The following COL11A1 variants were observed in gnomAD, a reference collection of about 807,000 sequenced individuals.
COL11A1 encodes collagen alpha-1(XI) chain.
In COL11A1, 74 loss-of-function variants were observed where a neutral mutation model predicts 265.2. The ratio of observed to expected loss-of-function variants is 0.28; its 90% CI spans 0.23 to 0.34. The LOEUF (loss-of-function observed/expected upper bound fraction) is 0.34, where lower values mean the gene tolerates loss of function less well. Ranked by LOEUF, COL11A1 falls within the 10% of genes least tolerant of loss-of-function variation. The pLI is 1.00. For synonymous variants in COL11A1, 816 were observed against 727.6 expected, an observed-to-expected ratio of 1.12 and a Z score of -1.96; for missense variants, 2,165 against 2,263.6, an observed-to-expected ratio of 0.96 and a Z score of 0.88.
intron 4 of COL11A1, among the ~76,000 whole-genome samples, chr1:103,044,983 A>T (rs532569780): frequency 1.4e-4 from 22 of 152,240 alleles, no homozygotes; most frequent in Non-Finnish European, 2.9e-4. Context: ...AGACAGAGAC[A>T]CTTGAGGAAC....
chr1:102,932,168 A>T (rs886854083), intron 46 of COL11A1, among the ~76,000 whole-genome samples: 3 of 149,088 alleles, frequency 2.0e-5, no homozygotes, highest in African/African-American at 5.0e-5. Flanking sequence ...TCGTTAGTTG[A>T]TGCACTTTCT....
At position 102,883,241 on chromosome 1, in the gene COL11A1, A is replaced by G; in HGVS notation, c.4929T>C (p.Ser1643=). The G allele has an allele frequency of 4.3e-6, 7 of 1,613,680 alleles. No individual in the cohort carries two copies. Among genetic ancestry groups the G allele is most frequent in the Non-Finnish European group, 5.1e-6 (6 of 1,179,724 alleles). The part of the protein sequence containing the change: ...DSFKVYCNFT[S]GGETCIYPDK... ...CTGGATAAATGCAAGTCTCACCACC[A>G]GATGTGAAATTACAGTAAACTTTGA... Residue 1643 remains serine, a synonymous_variant, in exon 64 of 67, where the codon TCT becomes TCC. Coordinates refer to ENST00000370096, the MANE Select transcript of COL11A1 (RefSeq NM_001854.4).
At chr1:102,938,440 G>A (rs1167298346) in intron 44 of COL11A1, among the ~76,000 whole-genome samples, 1 of 152,084 alleles carries the variant, frequency 6.6e-6, no homozygotes, top group African/African-American at 2.4e-5. Context: ...TCTTTAGAGA[G>A]TATAAATTAG....
At position 102,931,091 on chromosome 1, in the gene COL11A1, C is replaced by T. The variant is rs572044607; in HGVS notation, c.3600+3358G>A. ...GAAGGGTTTTTTGTGTCTCTATTTCCTTCAGTTCTGCTCTGATTTTAGTTA... is the reference window on the plus strand; with the variant it reads ...GAAGGGTTTTTTGTGTCTCTATTTCTTTCAGTTCTGCTCTGATTTTAGTTA... On this transcript the variant is annotated intron_variant, in intron 46 of 66. Transcript: ENST00000370096. Among the ~76,000 whole-genome samples the T allele has an allele frequency of 6.6e-3, 927 of 140,276 alleles. 23 individuals carry two copies. Among genetic ancestry groups the T allele is most frequent in the Admixed American group, 0.051 (691 of 13,492 alleles). The allele number at this position is 140,276 out of a possible 152,430, so 92.0% of individuals were successfully genotyped here.
intron 4 of COL11A1, among the ~76,000 whole-genome samples, chr1:103,058,480 A>G (rs1049879976): frequency 6.6e-6 from 1 of 152,184 alleles, no homozygotes; most frequent in African/African-American, 2.4e-5. Context: ...TTGGATTCAC[A>G]GGGCACAAAA....
At position 102,879,672 on chromosome 1, in the gene COL11A1, C is replaced by T. The variant is rs576956216; in HGVS notation, c.5274+11G>A. On this transcript the variant is annotated intron_variant, in intron 66 of 66. Transcript: ENST00000370096. ...TCTCTGTGAAGGGAGACAAGCAGAA[C>T]TTATACTCACCGCACAACCATCATA... is the stretch of plus-strand genomic sequence containing the variant. 2.5e-6 allele frequency: 4 copies of T among 1,610,456 alleles called. No individual in the cohort carries two copies. Among genetic ancestry groups the T allele is most frequent in the African/African-American group, 1.3e-5 (1 of 74,954 alleles).
At chr1:103,105,163 T>A (rs1415947229) in intron 1 of COL11A1, among the ~76,000 whole-genome samples, 1 of 152,058 alleles carries the variant, frequency 6.6e-6, no homozygotes, top group Non-Finnish European at 1.5e-5. Flanking sequence ...CTTAAGATAA[T>A]CATAGTGTGG....
chr1:102,994,010 A>G (rs549076753), intron 28 of COL11A1, among the ~76,000 whole-genome samples: 5 of 152,182 alleles, frequency 3.3e-5, no homozygotes, highest in Admixed American at 1.3e-4. Context: ...TGTGAAATGC[A>G]TGGCCTTTTT....
chr1:102,930,050 G>C (rs1219482784), intron 46 of COL11A1, among the ~76,000 whole-genome samples: 2 of 152,128 alleles, frequency 1.3e-5, no homozygotes, highest in Non-Finnish European at 2.9e-5. Flanking sequence ...GGGACAATTT[G>C]ACTTCCTCTT....
intron 41 of COL11A1, among the ~76,000 whole-genome samples, chr1:102,954,839 C>T (rs1660216242): frequency 9.1e-6 from 1 of 109,556 alleles, no homozygotes; most frequent in Admixed American, 1.1e-4. Context: ...AGCGAAACTC[C>T]CTCTTGAAAT....
chr1:102,942,176 T>C (rs919612950), intron 42 of COL11A1, among the ~76,000 whole-genome samples: 3 of 152,206 alleles, frequency 2.0e-5, no homozygotes, highest in African/African-American at 7.2e-5. Flanking sequence ...CACAGTAAAC[T>C]TCACTATATT....
intron 22 of COL11A1, 112 bp downstream of exon 22, chr1:103,002,635 A>T (rs1392654866): frequency 2.6e-6 from 3 of 1,148,480 alleles, no homozygotes; most frequent in Admixed American, 3.6e-5. Flanking sequence ...AGCTGTATCT[A>T]ATATACTTAG....
intron 53 of COL11A1, 23 bp from the exon 54 acceptor site, chr1:102,912,235 T>G (rs377678496): frequency 1.3e-6 from 2 of 1,588,876 alleles, no homozygotes; most frequent in African/African-American, 1.3e-5. Flanking sequence ...AAAAAATACC[T>G]TTAACAAAAT....
rs34228277 is a variant in COL11A1, at chr1:102,914,823, T to TAAA, written c.3817-15_3817-13dup. 2.2e-3 allele frequency: 2,814 copies of TAAA among 1,266,736 alleles called. 3 individuals are homozygous for TAAA. The highest frequency in any genetic ancestry group is 2.7e-3 in the Non-Finnish European group (2,472 of 901,404). 78.5% of individuals were successfully genotyped at this position (1,266,736 alleles called of 1,614,324 possible). ...TCTCCTTTGGGACCCTAAACAATGT[T>TAAA]AAAAAAAAAAAAAGAAGAAGAAGGA... On this transcript the variant is annotated splice_polypyrimidine_tract_variant and intron_variant, in intron 50 of 66. Transcript: ENST00000370096.
intron 4 of COL11A1, among the ~76,000 whole-genome samples, chr1:103,049,352 A>C (rs1033187129): frequency 5.9e-5 from 9 of 152,128 alleles, no homozygotes; most frequent in African/African-American, 2.2e-4. Flanking sequence ...ACCATTATGT[A>C]ATGGCCTTCT....
chr1:103,091,819 C>G (rs1673346568), intron 1 of COL11A1, among the ~76,000 whole-genome samples: 1 of 151,952 alleles, frequency 6.6e-6, no homozygotes, highest in Non-Finnish European at 1.5e-5. Flanking sequence ...CATATTCAAA[C>G]AGTGAAGAGC....
chr1:102,979,310 T>C, intron 32 of COL11A1, 72 bp downstream of exon 32: 1 of 1,326,550 alleles, frequency 7.5e-7, no homozygotes, highest in Non-Finnish European at 1.1e-6. Flanking sequence ...TATCTGGGAA[T>C]ACAGGCACAC....
intron 11 of COL11A1, among the ~76,000 whole-genome samples, chr1:103,016,951 A>G (rs1666616127): frequency 1.3e-5 from 2 of 151,972 alleles, no homozygotes; most frequent in Admixed American, 6.6e-5. Flanking sequence ...CTCACCTGAT[A>G]TAGAGTTTAA....
chr1:102,966,477 T>G (rs182993921), intron 37 of COL11A1, among the ~76,000 whole-genome samples: 1 of 152,182 alleles, frequency 6.6e-6, no homozygotes, highest in Admixed American at 6.5e-5. Context: ...AGGTAAAGAG[T>G]CTGTAATTAT....
Sources: allele counts gnomAD v4.1 joint callset (sites outside exome capture counted in the v4.1 genomes callset), GRCh38; gene constraint gnomAD v4.1.1; transcripts MANE v1.5; gene names NCBI Gene and HGNC (gene_info 2026-07-23, HGNC 2026-07-21).